ANKH: variants seen among roughly 807,000 people sequenced by gnomAD.
ANKH encodes ANKH inorganic pyrophosphate transport regulator, also known as mineralization regulator ANKH.
In ANKH, 15 loss-of-function variants were observed where a neutral mutation model predicts 49.0. The ratio of observed to expected loss-of-function variants is 0.31; its 90% CI spans 0.20 to 0.47. The LOEUF (loss-of-function observed/expected upper bound fraction) is 0.47. Among genes scored for constraint, ANKH ranks in the 20% least tolerant of loss-of-function variants. The pLI, the probability that ANKH is intolerant of heterozygous loss-of-function variation, is 1.00. For missense variants in ANKH, 429 were observed against 652.0 expected, an observed-to-expected ratio of 0.66 and a Z score of 3.72; for synonymous variants, 273 against 260.0, an observed-to-expected ratio of 1.05 and a Z score of -0.48.
At chr5:14,823,515 C>A (rs1380050101) in intron 1 of ANKH, among the ~76,000 whole-genome samples, 1 of 152,294 alleles carries the variant, frequency 6.6e-6, no homozygotes, top group African/African-American at 2.4e-5. Context: ...AGAAATAATT[C>A]AGGAATTGAG....
intron 1 of ANKH, chr5:14,797,952 A>C: frequency 6.3e-7 from 1 of 1,576,542 alleles, no homozygotes; most frequent in East Asian, 2.2e-5. Flanking sequence ...GTCAAAGACA[A>C]GAATATCACT....
intron 1 of ANKH, among the ~76,000 whole-genome samples, chr5:14,868,056 A>G (rs1339463994): frequency 1.3e-5 from 2 of 152,208 alleles, no homozygotes; most frequent in Admixed American, 1.3e-4. Context: ...TCTATATACA[A>G]CAGGTAATGT....
intron 1 of ANKH, among the ~76,000 whole-genome samples, chr5:14,845,983 A>G (rs1379351325): frequency 6.6e-6 from 1 of 151,376 alleles, no homozygotes; most frequent in Non-Finnish European, 1.5e-5. Flanking sequence ...AGCCTCCCAA[A>G]TAGCTGGGAT....
chr5:14,824,459 G>A (rs1741283576), intron 1 of ANKH, among the ~76,000 whole-genome samples: 1 of 152,200 alleles, frequency 6.6e-6, no homozygotes, highest in South Asian at 2.1e-4. Flanking sequence ...AATGTTCATG[G>A]TCACGAATTC....
At chr5:14,797,821 G>A (rs1561060353) in intron 1 of ANKH, 21 of 1,610,670 alleles carry the variant, frequency 1.3e-5, no homozygotes, top group Non-Finnish European at 1.8e-5. Context: ...GAAGCACTAA[G>A]TAAGTGCCCA....
At chr5:14,848,667 G>A (rs998676431) in intron 1 of ANKH, among the ~76,000 whole-genome samples, 8 of 152,198 alleles carry the variant, frequency 5.3e-5, no homozygotes, top group Non-Finnish European at 1.2e-4. Context: ...TTCCTGTGCA[G>A]CTAAGTGCCT....
intron 1 of ANKH, among the ~76,000 whole-genome samples, chr5:14,810,449 G>A (rs534865584): frequency 4.6e-5 from 7 of 152,230 alleles, no homozygotes; most frequent in African/African-American, 1.7e-4. Context: ...GTGAGCCACC[G>A]CACCTGGCCA....
At chr5:14,712,222 C>G (rs577858994) in intron 11 of ANKH, among the ~76,000 whole-genome samples, 3 of 152,366 alleles carry the variant, frequency 2.0e-5, no homozygotes, top group African/African-American at 7.2e-5. Flanking sequence ...CGTCACGCAC[C>G]GTGAGCAGGC....
At chr5:14,735,498 G>A (rs1260955389) in intron 8 of ANKH, among the ~76,000 whole-genome samples, 2 of 152,310 alleles carry the variant, frequency 1.3e-5, no homozygotes, top group South Asian at 4.1e-4. Flanking sequence ...AATCATAGTT[G>A]TTAGCTTGCC....
chr5:14,716,970 T>C, intron 8 of ANKH, 135 bp from the exon 9 acceptor site: 1 of 1,109,876 alleles, frequency 9.0e-7, no homozygotes, highest in Non-Finnish European at 1.3e-6. Flanking sequence ...GGCATGCTGG[T>C]CCCAGATCTG....
In ANKH at chr5:14,813,672, G is replaced by A. The variant is rs576687693; in HGVS notation, c.97-44481C>T. ...GTCTATCAGAGGCTGAGCTTCACTG[G>A]GACCTGGCACCTAATCTGTGTCTGC... On this transcript the variant is annotated intron_variant, in intron 1 of 11. Coordinates refer to ENST00000284268, the MANE Select transcript of ANKH (RefSeq NM_054027.6). Among the ~76,000 whole-genome samples the A allele has an allele frequency of 9.2e-5, 14 of 152,186 alleles. No homozygotes were observed. The East Asian group carries it at 2.3e-3, about 25-fold the overall frequency.
intron 1 of ANKH, among the ~76,000 whole-genome samples, chr5:14,846,584 A>C (rs937433199): frequency 6.6e-6 from 1 of 152,230 alleles, no homozygotes; most frequent in Non-Finnish European, 1.5e-5. Flanking sequence ...CAGAGAAGCA[A>C]CTGAGTACTG....
At chr5:14,809,893 C>T (rs962923821) in intron 1 of ANKH, among the ~76,000 whole-genome samples, 3 of 152,066 alleles carry the variant, frequency 2.0e-5, no homozygotes, top group Admixed American at 1.3e-4. Context: ...AAAGCCACAA[C>T]AGAATGAAGA....
intron 1 of ANKH, among the ~76,000 whole-genome samples, chr5:14,773,353 CTTTTTTTTTT>C (rs71603741): frequency 1.2e-4 from 9 of 77,016 alleles, no homozygotes; most frequent in African/African-American, 2.5e-4. Context: ...GCAAAGCATT[CTTTTTTTTTT>C]TTTTTTTTTT....
At chr5:14,870,426 C>G (rs2037212123) in intron 1 of ANKH, 1 of 152,126 alleles carries the variant, frequency 6.6e-6, no homozygotes, top group South Asian at 2.1e-4. Context: ...GTTTAAGTCT[C>G]TTGACTTAAA....
chr5:14,711,870 C>T (rs1324847895), intron 11 of ANKH, among the ~76,000 whole-genome samples: 2 of 151,810 alleles, frequency 1.3e-5, no homozygotes, highest in African/African-American at 4.8e-5. Context: ...CCCACCTCAG[C>T]CACTGCTGGG....
At chr5:14,857,103 G>A (rs1286877723) in intron 1 of ANKH, among the ~76,000 whole-genome samples, 2 of 152,126 alleles carry the variant, frequency 1.3e-5, no homozygotes, top group Non-Finnish European at 2.9e-5. Context: ...CTACGCCTAT[G>A]TCTAAACACA....
intron 8 of ANKH, among the ~76,000 whole-genome samples, chr5:14,724,815 C>A (rs25984): frequency 0.99 from 151,213 of 152,292 alleles, 75,151 homozygotes; most frequent in Middle Eastern, 1. Context: ...TCCTCGGAGA[C>A]CACCACCCTA....
chr5:14,715,679 T>G (rs1737422685), intron 9 of ANKH, among the ~76,000 whole-genome samples: 1 of 152,248 alleles, frequency 6.6e-6, no homozygotes, highest in African/African-American at 2.4e-5. Flanking sequence ...AATGTAGCTA[T>G]GCAAGCAGTT....
Sources: allele counts gnomAD v4.1 joint callset (sites outside exome capture counted in the v4.1 genomes callset), GRCh38; gene constraint gnomAD v4.1.1; transcripts MANE v1.5; gene names NCBI Gene and HGNC (gene_info 2026-07-23, HGNC 2026-07-21).